Variants in EFCAB11 observed in about 807,000 individuals in gnomAD.
EFCAB11 encodes the protein EF-hand calcium-binding domain-containing protein 11.
Under a neutral mutation model 23.0 loss-of-function variants are expected in EFCAB11, and 14 were observed. The observed-to-expected ratio is 0.61, with a 90% confidence interval of 0.40 to 0.95. The LOEUF (loss-of-function observed/expected upper bound fraction) is 0.95. Ranked by LOEUF, EFCAB11 falls within the 40% of genes least tolerant of loss-of-function variation. The probability of loss-of-function intolerance (pLI) is 0.00; values close to 1 mark genes in which losing one functional copy is unlikely to be tolerated. For synonymous variants in EFCAB11, 65 were observed against 66.6 expected (o/e 0.98, Z 0.11); for missense variants, 198 against 195.8 (o/e 1.01, Z -0.07).
At chr14:89,855,144 C>G (rs1887711627) in intron 5 of EFCAB11, among the ~76,000 whole-genome samples, 1 of 151,376 alleles carries the variant, frequency 6.6e-6, no homozygotes, top group Non-Finnish European at 1.5e-5. Flanking sequence ...ACCAAAAGTT[C>G]TTTTGTAGCC....
intron 5 of EFCAB11, among the ~76,000 whole-genome samples, chr14:89,823,182 C>T (rs892578108): frequency 3.3e-5 from 5 of 152,152 alleles, no homozygotes; most frequent in Admixed American, 6.6e-5. Context: ...AAGAATATGA[C>T]ATACCATTGT....
At chr14:89,810,759 A>AG (rs1825547395) in intron 5 of EFCAB11, among the ~76,000 whole-genome samples, 1 of 151,108 alleles carries the variant, frequency 6.6e-6, no homozygotes, top group Admixed American at 6.6e-5. Flanking sequence ...CCGTCTCAAA[A>AG]AAAAAAAAAA....
At chr14:89,877,718 C>G (rs1266822913) in intron 5 of EFCAB11, among the ~76,000 whole-genome samples, 1 of 152,154 alleles carries the variant, frequency 6.6e-6, no homozygotes, top group Non-Finnish European at 1.5e-5. Context: ...AAGGGTTTGG[C>G]AGTTGTTTGG....
At chr14:89,926,312 G>C (rs1890192292) in intron 5 of EFCAB11, among the ~76,000 whole-genome samples, 1 of 152,002 alleles carries the variant, frequency 6.6e-6, no homozygotes, top group Non-Finnish European at 1.5e-5. Context: ...AATTTATGTG[G>C]AAAAAGTTAT....
At position 89,841,006 on chromosome 14, in the gene EFCAB11, G is replaced by A. The variant is rs532968491; in HGVS notation, c.411-43682C>T. ...AAAACTGCCATGCTTGGGCACTCTG[G>A]GGAGCCCCTCTGGCCTTCCAGTCTC... On this transcript the variant is annotated intron_variant, in intron 5 of 5. Transcript: ENST00000316738. 3.3e-5 allele frequency among the ~76,000 whole-genome samples: 5 copies of A among 152,206 alleles called. No individual in the cohort carries two copies. The South Asian group carries it at 1.0e-3, about 32-fold the overall frequency.
intron 5 of EFCAB11, among the ~76,000 whole-genome samples, chr14:89,800,706 C>T (rs955608538): frequency 1.3e-5 from 2 of 151,994 alleles, no homozygotes; most frequent in Non-Finnish European, 2.9e-5. Context: ...TTTTGAGATG[C>T]AAAAGGGAGA....
chr14:89,909,838 C>T (rs1889614440), intron 5 of EFCAB11, among the ~76,000 whole-genome samples: 3 of 152,204 alleles, frequency 2.0e-5, no homozygotes, highest in Non-Finnish European at 4.4e-5. Flanking sequence ...CAGATGCACT[C>T]TGTCTAGAAT....
Position 89,944,931 on chromosome 14 carries a change from CTAA to C in EFCAB11, c.217+5163_217+5165del, listed in dbSNP as rs1291361206. ...AATAAAATATTAGATTTTATTAGAT[CTAA>C]TAATAAATCTAATAAAATATTAGAT... is the stretch of plus-strand genomic sequence containing the variant. On this transcript the variant is annotated intron_variant, in intron 3 of 5. Transcript: ENST00000316738. Among the ~76,000 whole-genome samples, 156 of 116,656 alleles carry C rather than the reference CTAA, an allele frequency of 1.3e-3. 45 individuals are homozygous for C. The highest frequency in any genetic ancestry group is 4.6e-3 in the African/African-American group (141 of 30,568). The allele number at this position is 116,656 out of a possible 152,430, so 76.5% of individuals were successfully genotyped here. A position where few individuals can be genotyped will look rare whatever the true frequency, so the allele number is the denominator to read the frequency against.
chr14:89,797,385 G>C lies in EFCAB11; in HGVS notation c.411-61C>G. 5 of 1,432,944 alleles carry C rather than the reference G, an allele frequency of 3.5e-6. No homozygotes were observed. In the South Asian group the frequency reaches 5.8e-5, roughly 17 times the overall value. The allele number at this position is 1,432,944 out of a possible 1,614,324, so 88.8% of individuals were successfully genotyped here. ...TCTCGTTAACACCTATGCACCGAGA[G>C]CACATTAGAATCTTTATTTATTTGC... On this transcript the variant is annotated intron_variant, in intron 5 of 5. Transcript: ENST00000316738.
chr14:89,868,877 C>G (rs1031841823), intron 5 of EFCAB11, among the ~76,000 whole-genome samples: 1 of 152,180 alleles, frequency 6.6e-6, no homozygotes, highest in South Asian at 2.1e-4. Context: ...TGCAAACCTG[C>G]TTTCTTACAG....
chr14:89,826,205 A>C (rs955448650), intron 5 of EFCAB11, among the ~76,000 whole-genome samples: 3 of 152,176 alleles, frequency 2.0e-5, no homozygotes, highest in Admixed American at 1.3e-4. Flanking sequence ...TATAGTGGCA[A>C]GTGCTATGTA....
At chr14:89,870,343 G>A (rs940965463) in intron 5 of EFCAB11, among the ~76,000 whole-genome samples, 5 of 152,150 alleles carry the variant, frequency 3.3e-5, no homozygotes, top group African/African-American at 1.2e-4. Context: ...CTCCCAGGAA[G>A]GTGGGGAGAT....
chr14:89,888,828 C>T (rs1349930497), intron 5 of EFCAB11, among the ~76,000 whole-genome samples: 2 of 152,126 alleles, frequency 1.3e-5, no homozygotes, highest in Non-Finnish European at 2.9e-5. Flanking sequence ...TATAAGCCAC[C>T]CAGTTTATGG....
chr14:89,870,830 C>G (rs999861253), intron 5 of EFCAB11, among the ~76,000 whole-genome samples: 1 of 150,122 alleles, frequency 6.7e-6, no homozygotes, highest in African/African-American at 2.5e-5. Context: ...AGTCTAGCTA[C>G]TGGGGAGGCT....
intron 5 of EFCAB11, among the ~76,000 whole-genome samples, chr14:89,866,685 C>A (rs974070704): frequency 1.3e-5 from 2 of 152,224 alleles, no homozygotes; most frequent in Non-Finnish European, 2.9e-5. Flanking sequence ...AGAGAAGCCA[C>A]CCCCACTCCA....
chr14:89,845,714 T>C (rs1887410305), intron 5 of EFCAB11, among the ~76,000 whole-genome samples: 2 of 152,166 alleles, frequency 1.3e-5, no homozygotes, highest in Admixed American at 6.5e-5. Flanking sequence ...TGAGCAGTAC[T>C]GTATGGGGTG....
At chr14:89,856,533 G>A (rs1887758333) in intron 5 of EFCAB11, among the ~76,000 whole-genome samples, 1 of 152,096 alleles carries the variant, frequency 6.6e-6, no homozygotes, top group South Asian at 2.1e-4. Flanking sequence ...CATAATGGCT[G>A]TACCAATGTA....
At chr14:89,864,978 T>C (rs1888038283) in intron 5 of EFCAB11, among the ~76,000 whole-genome samples, 1 of 152,212 alleles carries the variant, frequency 6.6e-6, no homozygotes, top group African/African-American at 2.4e-5. Flanking sequence ...GACCTAATAA[T>C]TGGCTCAGGG....
intron 5 of EFCAB11, among the ~76,000 whole-genome samples, chr14:89,893,330 C>T (rs1192795902): frequency 1.3e-5 from 2 of 152,156 alleles, no homozygotes; most frequent in African/African-American, 4.8e-5. Context: ...TGCCCCCACC[C>T]TAGGCCCAGG....
Sources: gnomAD v4.1 joint callset for allele counts (sites outside exome capture counted in the v4.1 genomes callset) on GRCh38, gnomAD v4.1.1 for gene constraint, MANE v1.5 for transcripts, NCBI Gene and HGNC (gene_info 2026-07-23, HGNC 2026-07-21) for gene names.